Variants in MEIOC observed in about 807,000 individuals in gnomAD.
The protein encoded by MEIOC is meiosis specific with coiled-coil domain.
Under a neutral mutation model 85.3 loss-of-function variants are expected in MEIOC, and 9 were observed. The ratio of observed to expected loss-of-function variants is 0.11; its 90% CI spans 0.06 to 0.18. The LOEUF is 0.18. Ranked by LOEUF, MEIOC falls within the 10% of genes least tolerant of loss-of-function variation. The pLI, the probability that MEIOC is intolerant of heterozygous loss-of-function variation, is 1.00. For synonymous variants in MEIOC, 365 were observed against 393.7 expected, an observed-to-expected ratio of 0.93 and a Z score of 0.86; for missense variants, 898 against 1,129.4, an observed-to-expected ratio of 0.80 and a Z score of 2.94.
In MEIOC at chr17:44,667,455, C is replaced by T. The variant is rs1413340114; in HGVS notation, c.1544C>T (p.Ser515Leu). ...SAASKGSNHS[S>L]DFPQLSSTNL... ...GCTTCAAAAGGTTCTAACCATTCTT[C>T]AGATTTCCCCCAACTATCATCCACA... Residue 515 changes from serine (S) to leucine (L), a missense_variant, in exon 5 of 8, where the codon TCA becomes TTA. Physicochemically the swap from Ser to Leu is moderately radical, Grantham distance 145. Coordinates refer to ENST00000409122, the MANE Select transcript of MEIOC (RefSeq NM_001145080.3). The T allele has an allele frequency of 6.2e-7, 1 of 1,613,640 alleles. No homozygotes were observed. The highest frequency in any genetic ancestry group is 8.5e-7 in the Non-Finnish European group (1 of 1,179,732).
Position 44,662,420 on chromosome 17 carries a change from A to G in MEIOC, c.308A>G (p.Tyr103Cys), listed in dbSNP as rs1008397465. 6 of 1,549,132 alleles carry G rather than the reference A, an allele frequency of 3.9e-6. No homozygotes were observed. In the East Asian group the frequency reaches 1.5e-4, roughly 38 times the overall value. The change falls in exon 3 of 8, where the codon TAT becomes TGT. Residue 103 changes from tyrosine to cysteine, a missense_variant. This residue lies in a region of MEIOC where 734 missense variants were observed against 860.1 expected (regional missense o/e 0.85). Transcript: ENST00000409122. ...CTTTTCTGTGCACCATGGTCTACTTATGGAGATGACATTAAACAACCTTCT... is the reference window on the plus strand; with the variant it reads ...CTTTTCTGTGCACCATGGTCTACTTGTGGAGATGACATTAAACAACCTTCT... ...SSLFCAPWST[Y>C]GDDIKQPSNS...
At chr17:44,672,568 C>G (rs1972028708) in intron 6 of MEIOC, among the ~76,000 whole-genome samples, 1 of 152,170 alleles carries the variant, frequency 6.6e-6, no homozygotes, top group Admixed American at 6.5e-5. Flanking sequence ...GTTCTGCTAT[C>G]AATTGTTAAA....
At position 44,667,129 on chromosome 17, in the gene MEIOC, T is replaced by C; in HGVS notation, c.1218T>C (p.Phe406=). 6.2e-7 allele frequency: 1 copy of C among 1,613,894 alleles called. No homozygotes were observed. Residue 406 remains phenylalanine (F), a synonymous_variant, in exon 5 of 8, where the codon TTT becomes TTC. Coordinates refer to ENST00000409122, the MANE Select transcript of MEIOC (RefSeq NM_001145080.3). ...CGCCACATCTGACAGAGAAACAGTTTGCAAAGGAAGCAGTATTCACTGCTG... is the reference window on the plus strand; with the variant it reads ...CGCCACATCTGACAGAGAAACAGTTCGCAAAGGAAGCAGTATTCACTGCTG... The part of the protein sequence containing the change: ...KTTPHLTEKQ[F]AKEAVFTADF...
chr17:44,666,586 T>C lies in MEIOC; in HGVS notation c.675T>C (p.His225=). 1 of 1,610,720 alleles carries C rather than the reference T, an allele frequency of 6.2e-7. No individual in the cohort carries two copies. ...TPQQKIDELH[H]GFTGLDLEEQ... is the part of the protein sequence containing the mutation. ...AACAAAAAATAGATGAACTTCATCA[T>C]GGATTTACTGGTTTAGATCTTGAAG... The change falls in exon 5 of 8, where the codon CAT becomes CAC. Residue 225 remains histidine, a synonymous_variant. Transcript: ENST00000409122.
chr17:44,661,434 TACTC>T (rs1971839882), intron 2 of MEIOC, among the ~76,000 whole-genome samples: 2 of 152,040 alleles, frequency 1.3e-5, no homozygotes, highest in Admixed American at 1.3e-4. Context: ...GTAGAGATAA[TACTC>T]ATGTCACAAG....
intron 2 of MEIOC, among the ~76,000 whole-genome samples, chr17:44,661,282 T>C (rs1206438290): frequency 7.8e-6 from 1 of 127,636 alleles, no homozygotes; most frequent in Non-Finnish European, 1.7e-5. Flanking sequence ...AGCCAGACTC[T>C]TGTCTCAAAA....
At chr17:44,666,202 T>C (rs2144665814) in intron 4 of MEIOC, among the ~76,000 whole-genome samples, 174 bp from the exon 5 acceptor site, 1 of 152,284 alleles carries the variant, frequency 6.6e-6, no homozygotes, top group Middle Eastern at 3.4e-3. Context: ...GCACATTTCA[T>C]GTGACAGATA....
chr17:44,673,699 AG>A, intron 7 of MEIOC, 153 bp downstream of exon 7: 1 of 765,614 alleles, frequency 1.3e-6, no homozygotes, highest in East Asian at 2.7e-5. Flanking sequence ...TTACTCCAAA[AG>A]TATTTCCATT....
intron 2 of MEIOC, 37 bp downstream of exon 2, chr17:44,657,298 T>G: frequency 2.0e-6 from 3 of 1,538,178 alleles, no homozygotes; most frequent in Non-Finnish European, 2.6e-6. Flanking sequence ...AGACGATTTA[T>G]TCTCAAATGG....
At chr17:44,661,213 G>A (rs901246776) in intron 2 of MEIOC, among the ~76,000 whole-genome samples, 11 of 150,698 alleles carry the variant, frequency 7.3e-5, no homozygotes, top group Middle Eastern at 3.4e-3. Flanking sequence ...GCTTCAACCC[G>A]GGAGGCAGAG....
rs1292815583 is a variant in MEIOC, at chr17:44,662,408, C to G, written c.296C>G (p.Pro99Arg). 1 of 1,549,320 alleles carries G rather than the reference C, an allele frequency of 6.5e-7. No homozygotes were observed. The highest frequency in any genetic ancestry group is 8.7e-7 in the Non-Finnish European group (1 of 1,145,158). ...GTAGATTCTTCACTTTTCTGTGCAC[C>G]ATGGTCTACTTATGGAGATGACATT... is the stretch of plus-strand genomic sequence containing the variant. ...SSVDSSLFCAPWSTYGDDIKQ... is the reference protein window; with the variant it reads ...SSVDSSLFCARWSTYGDDIKQ... Residue 99 changes from proline to arginine, a missense_variant, in exon 3 of 8, where the codon CCA becomes CGA. Pro to Arg is a moderately radical substitution (Grantham distance 103). Around this residue, in one of 2 missense-constraint regions of MEIOC, gnomAD observed 734 missense variants for 860.1 expected, o/e 0.85. Transcript: ENST00000409122.
chr17:44,657,336 G>A, intron 2 of MEIOC, 75 bp downstream of exon 2: 2 of 1,016,650 alleles, frequency 2.0e-6, no homozygotes, highest in South Asian at 3.0e-5. Context: ...ATTCATAGGT[G>A]TTTAATGGCT....
At chr17:44,661,936 A>G (rs79535022) in intron 2 of MEIOC, among the ~76,000 whole-genome samples, 1,878 of 152,258 alleles carry the variant, frequency 0.012, 40 homozygotes, top group African/African-American at 0.041. Flanking sequence ...AAAAACTACA[A>G]TAATTATAGG....
intron 6 of MEIOC, 34 bp from the exon 7 acceptor site, chr17:44,673,332 C>T (rs2144677815): frequency 6.7e-7 from 1 of 1,486,392 alleles, no homozygotes; most frequent in South Asian, 1.3e-5. Flanking sequence ...AATGGCAGGA[C>T]ATGTCTTATC....
Position 44,662,424 on chromosome 17 carries a change from A to G in MEIOC, c.312A>G (p.Gly104=). ...SLFCAPWSTY[G]DDIKQPSNSQ... is the part of the protein sequence containing the mutation. The stretch of plus-strand genomic sequence containing the variant: ...TCTGTGCACCATGGTCTACTTATGG[A>G]GATGACATTAAACAACCTTCTAATT... Residue 104 remains glycine, a synonymous_variant, in exon 3 of 8, where the codon GGA becomes GGG. Transcript: ENST00000409122. 6.5e-7 allele frequency: 1 copy of G among 1,548,300 alleles called. No homozygotes were observed. Among genetic ancestry groups the G allele is most frequent in the Non-Finnish European group, 8.7e-7 (1 of 1,144,686 alleles).
Position 44,662,444 on chromosome 17 carries a change from C to T in MEIOC, c.332C>T (p.Ser111Phe). The change falls in exon 3 of 8, where the codon TCT becomes TTT. Residue 111 changes from serine (S) to phenylalanine (F), a missense_variant. Ser to Phe is a radical substitution (Grantham distance 155, BLOSUM62 -2). Coordinates refer to ENST00000409122, the MANE Select transcript of MEIOC (RefSeq NM_001145080.3). ...TATGGAGATGACATTAAACAACCTT[C>T]TAATTCTCAGATCAGTATAAAGAAC... is the stretch of plus-strand genomic sequence containing the variant. ...STYGDDIKQP[S>F]NSQISIKNRI... The T allele has an allele frequency of 5.8e-6, 9 of 1,545,768 alleles. No individual in the cohort carries two copies. Among genetic ancestry groups the T allele is most frequent in the Non-Finnish European group, 7.9e-6 (9 of 1,143,322 alleles).
rs1272054479 is a variant in MEIOC, at chr17:44,675,564, C to G, written c.*1368C>G. 8.1e-6 allele frequency: 8 copies of G among 982,444 alleles called. No homozygotes were observed. The highest frequency in any genetic ancestry group is 9.7e-6 in the Non-Finnish European group (8 of 828,170). 60.9% of individuals were successfully genotyped at this position (982,444 alleles called of 1,614,324 possible). On this transcript the variant is annotated 3_prime_UTR_variant, in exon 8 of 8. Transcript: ENST00000409122. Reference sequence around the variant, plus strand: ...ACATAAATTTTCTTTAGATGATGTGCAGAAGAAACTGATTGAGAATGCAAG... The same window carrying G: ...ACATAAATTTTCTTTAGATGATGTGGAGAAGAAACTGATTGAGAATGCAAG...
chr17:44,667,129 T>G lies in MEIOC; in HGVS notation c.1218T>G (p.Phe406Leu), dbSNP rs1971918328. 1 of 1,613,776 alleles carries G rather than the reference T, an allele frequency of 6.2e-7. No homozygotes were observed. Among genetic ancestry groups the G allele is most frequent in the African/African-American group, 1.3e-5 (1 of 74,940 alleles). The change falls in exon 5 of 8, where the codon TTT becomes TTG. Residue 406 changes from phenylalanine to leucine, a missense_variant. Physicochemically the swap from Phe to Leu is conservative, Grantham distance 22. Coordinates refer to ENST00000409122, the MANE Select transcript of MEIOC (RefSeq NM_001145080.3). ...CGCCACATCTGACAGAGAAACAGTT[T>G]GCAAAGGAAGCAGTATTCACTGCTG... ...KTTPHLTEKQFAKEAVFTADF... is the reference protein window; with the variant it reads ...KTTPHLTEKQLAKEAVFTADF...
chr17:44,670,978 CT>C (rs1568135792), intron 6 of MEIOC: 1 of 151,914 alleles, frequency 6.6e-6, no homozygotes. Context: ...TAAACTTTTC[CT>C]TTTTTGACCT....
Sources: allele counts gnomAD v4.1 joint callset (sites outside exome capture counted in the v4.1 genomes callset), GRCh38; gene constraint gnomAD v4.1.1; regional missense constraint gnomAD v4.1.1; transcripts MANE v1.5; gene names NCBI Gene and HGNC (gene_info 2026-07-23, HGNC 2026-07-21).